The following OR51B5 variants were observed in gnomAD, a reference collection of about 807,000 sequenced individuals.
OR51B5 encodes olfactory receptor family 51 subfamily B member 5, also known as olfactory receptor 51B5.
For missense variants in OR51B5, 456 were observed against 374.6 expected (o/e 1.22, Z -1.79); for synonymous variants, 186 against 144.8 (o/e 1.28, Z -2.04).
At chr11:5,474,000 G>A (rs1851268302) in intron 1 of OR51B5, among the ~76,000 whole-genome samples, 1 of 151,936 alleles carries the variant, frequency 6.6e-6, no homozygotes, top group African/African-American at 2.4e-5. Flanking sequence ...CAAGACATCA[G>A]AAGAGGGACA....
chr11:5,443,650 A>G (rs2255431), intron 1 of OR51B5, among the ~76,000 whole-genome samples: 120,182 of 152,034 alleles, frequency 0.79, 47,773 homozygotes, highest in African/African-American at 0.87. Flanking sequence ...TAGTCTAGAA[A>G]GTAATATTTT....
intron 1 of OR51B5, among the ~76,000 whole-genome samples, chr11:5,425,022 C>T (rs1286431349): frequency 7.1e-6 from 1 of 141,772 alleles, no homozygotes; most frequent in Non-Finnish European, 1.5e-5. Context: ...AAAGCAAATA[C>T]CAAAGGAATC....
At chr11:5,356,223 C>T (rs1849192888) in intron 1 of OR51B5, among the ~76,000 whole-genome samples, 1 of 152,022 alleles carries the variant, frequency 6.6e-6, no homozygotes, top group Non-Finnish European at 1.5e-5. Context: ...AGTTAAAAAC[C>T]TTGAAAATAA....
intron 1 of OR51B5, chr11:5,441,217 G>C: frequency 6.2e-7 from 1 of 1,613,990 alleles, no homozygotes; most frequent in Non-Finnish European, 8.5e-7. Context: ...ATCTGGACCA[G>C]GCAAGCATTA....
chr11:5,399,591 T>A (rs1849936185), intron 1 of OR51B5, among the ~76,000 whole-genome samples: 2 of 152,092 alleles, frequency 1.3e-5, no homozygotes, highest in Admixed American at 1.3e-4. Flanking sequence ...ATTTGTTGTG[T>A]CCTATTATAC....
chr11:5,357,667 C>T (rs1022539481), intron 1 of OR51B5, among the ~76,000 whole-genome samples: 9 of 151,086 alleles, frequency 6.0e-5, no homozygotes, highest in Admixed American at 1.3e-4. Context: ...GAACTCTCCA[C>T]CCCAAATCAA....
At chr11:5,419,731 C>A (rs1850302270) in intron 1 of OR51B5, among the ~76,000 whole-genome samples, 1 of 152,024 alleles carries the variant, frequency 6.6e-6, no homozygotes, top group African/African-American at 2.4e-5. Context: ...TTTCCTGTCT[C>A]TTTTTCAAAA....
In OR51B5 at chr11:5,453,645, C is replaced by A; in HGVS notation, n.84+51924G>T. On this transcript the variant is annotated intron_variant and non_coding_transcript_variant, in intron 1 of 4. Transcript: ENST00000415970. ...GATCCTGCAGGCTGTGCGAGTGGAG[C>A]CCAGCCTCCATGAGCCCATGTACTA... 1.9e-6 allele frequency: 3 copies of A among 1,613,522 alleles called. No homozygotes were observed. In the Admixed American group the frequency reaches 5.0e-5, roughly 27 times the overall value.
chr11:5,417,296 A>C (rs1850258229), intron 1 of OR51B5, among the ~76,000 whole-genome samples: 2 of 150,394 alleles, frequency 1.3e-5, no homozygotes, highest in African/African-American at 4.9e-5. Context: ...TTAAAGACTT[A>C]AACGTTAGAC....
chr11:5,384,069 G>T (rs1172190181), intron 1 of OR51B5, among the ~76,000 whole-genome samples: 1 of 152,138 alleles, frequency 6.6e-6, no homozygotes, highest in East Asian at 1.9e-4. Context: ...TACAATTAAG[G>T]CTTTTCCCCC....
intron 1 of OR51B5, among the ~76,000 whole-genome samples, chr11:5,475,537 TC>T (rs34959422): frequency 6.6e-6 from 1 of 152,134 alleles, no homozygotes; most frequent in African/African-American, 2.4e-5. Flanking sequence ...GCCTTATGGA[TC>T]CCCCTAACCC....
rs113565663 is a variant in OR51B5, at chr11:5,382,394, C to T, written n.85-35484G>A. On this transcript the variant is annotated intron_variant and non_coding_transcript_variant, in intron 1 of 4. Coordinates refer to the OR51B5 transcript ENST00000415970. ...CCCTCACCTGTGGGCCAGGTGCTACCCACAAATATTAATATAATTGCCATG... is the reference window on the plus strand; with the variant it reads ...CCCTCACCTGTGGGCCAGGTGCTACTCACAAATATTAATATAATTGCCATG... Among the ~76,000 whole-genome samples, 291 of 152,238 alleles carry T rather than the reference C, an allele frequency of 1.9e-3. 2 individuals carry two copies. Among genetic ancestry groups the T allele is most frequent in the African/African-American group, 6.8e-3 (281 of 41,546 alleles).
intron 1 of OR51B5, among the ~76,000 whole-genome samples, chr11:5,491,061 T>C (rs779942822): frequency 6.6e-6 from 1 of 152,250 alleles, no homozygotes; most frequent in Non-Finnish European, 1.5e-5. Flanking sequence ...GCACTCAAAA[T>C]ATTATGGGAA....
chr11:5,468,133 T>C (rs1851165730), intron 1 of OR51B5, among the ~76,000 whole-genome samples: 1 of 152,250 alleles, frequency 6.6e-6, no homozygotes, highest in Non-Finnish European at 1.5e-5. Context: ...ATCTACATTA[T>C]AACATTATAT....
chr11:5,387,019 G>A (rs1849704943), intron 1 of OR51B5, among the ~76,000 whole-genome samples: 1 of 152,112 alleles, frequency 6.6e-6, no homozygotes, highest in Admixed American at 6.6e-5. Context: ...GGCCTGATAT[G>A]TAACGGAGTT....
intron 1 of OR51B5, among the ~76,000 whole-genome samples, chr11:5,374,463 C>G (rs561410368): frequency 1.3e-5 from 2 of 152,090 alleles, no homozygotes; most frequent in Non-Finnish European, 2.9e-5. Flanking sequence ...TCACCAGCAA[C>G]GGAACAAAGC....
chr11:5,464,461 A>G (rs1272316636), intron 1 of OR51B5, among the ~76,000 whole-genome samples: 1 of 54,114 alleles, frequency 1.8e-5, no homozygotes, highest in Non-Finnish European at 3.5e-5. Context: ...CATAGTCCCC[A>G]GAGTGTGATA....
intron 1 of OR51B5, among the ~76,000 whole-genome samples, chr11:5,414,934 A>G (rs910143868): frequency 3.9e-5 from 6 of 152,218 alleles, no homozygotes; most frequent in African/African-American, 1.4e-4. Context: ...CCTAATAAAC[A>G]TCTACAGAAC....
intron 1 of OR51B5, chr11:5,355,142 C>T (rs879785141): frequency 2.8e-5 from 5 of 177,190 alleles, no homozygotes; most frequent in South Asian, 1.5e-4. Flanking sequence ...CCACCTCCAT[C>T]GGGCTCAACA....
Sources: gnomAD v4.1 joint callset for allele counts (sites outside exome capture counted in the v4.1 genomes callset) on GRCh38, gnomAD v4.1.1 for gene constraint, MANE v1.5 for transcripts, NCBI Gene and HGNC (gene_info 2026-07-23, HGNC 2026-07-21) for gene names.